Variants in AHCYL2 observed in about 807,000 individuals in gnomAD.
The protein encoded by AHCYL2 is adenosylhomocysteinase like 2, also known as S-adenosylhomocysteine hydrolase-like protein 2.
AHCYL2 carries 28 observed loss-of-function variants against 81.4 expected under a neutral mutation model. The observed-to-expected ratio is 0.34, with a 90% CI of 0.25 to 0.47. AHCYL2 has a LOEUF of 0.47. Among genes scored for constraint, AHCYL2 ranks in the 20% least tolerant of loss-of-function variants. The pLI is 1.00. For missense variants in AHCYL2, 551 were observed against 785.1 expected (o/e 0.70, Z 3.56); for synonymous variants, 272 against 290.2 (o/e 0.94, Z 0.64).
At chr7:129,390,441 A>C (rs1025863664) in intron 4 of AHCYL2, among the ~76,000 whole-genome samples, 6 of 152,220 alleles carry the variant, frequency 3.9e-5, no homozygotes, top group Non-Finnish European at 7.3e-5. Flanking sequence ...TAAATTCAGC[A>C]CAGTAAGAAA....
intron 1 of AHCYL2, among the ~76,000 whole-genome samples, chr7:129,277,878 A>G (rs374561073): frequency 5.6e-4 from 85 of 152,360 alleles, no homozygotes; most frequent in African/African-American, 1.9e-3. Context: ...GTTTGAGGCT[A>G]TCATAAATAA....
At chr7:129,364,329 C>T (rs1794031845) in intron 1 of AHCYL2, among the ~76,000 whole-genome samples, 1 of 152,198 alleles carries the variant, frequency 6.6e-6, no homozygotes, top group South Asian at 2.1e-4. Flanking sequence ...GAGTCTCACT[C>T]TGTCACCCAG....
chr7:129,319,193 C>T (rs752735118), intron 1 of AHCYL2, among the ~76,000 whole-genome samples: 2 of 152,158 alleles, frequency 1.3e-5, no homozygotes, highest in South Asian at 4.1e-4. Flanking sequence ...CAGTGGCTCA[C>T]ACCTGTAATC....
intron 1 of AHCYL2, among the ~76,000 whole-genome samples, chr7:129,321,694 C>A (rs1311492313): frequency 7.0e-6 from 1 of 142,214 alleles, no homozygotes; most frequent in Non-Finnish European, 1.5e-5. Flanking sequence ...GAAAGTATTT[C>A]TCCTTCAGTT....
At chr7:129,273,622 C>T (rs973743006) in intron 1 of AHCYL2, among the ~76,000 whole-genome samples, 3 of 152,164 alleles carry the variant, frequency 2.0e-5, no homozygotes, top group Admixed American at 2.0e-4. Flanking sequence ...GCCACTGCGC[C>T]TGGCCGACTT....
intron 3 of AHCYL2, 150 bp from the exon 4 acceptor site, chr7:129,389,484 A>G: frequency 1.4e-6 from 1 of 732,982 alleles, no homozygotes; most frequent in Non-Finnish European, 2.2e-6. Context: ...TATAAAGGAA[A>G]ATACAGGTTT....
chr7:129,350,384 C>CT (rs566590118), intron 1 of AHCYL2, among the ~76,000 whole-genome samples: 2,517 of 139,992 alleles, frequency 0.018, 34 homozygotes, highest in African/African-American at 0.029. Context: ...TAAATGTAGT[C>CT]TTTTTTTTTT....
chr7:129,410,700 A>G (rs571802180), intron 11 of AHCYL2, among the ~76,000 whole-genome samples: 1 of 152,350 alleles, frequency 6.6e-6, no homozygotes, highest in Admixed American at 6.5e-5. Context: ...TAATTCCCAA[A>G]GAGGTAGATT....
rs1179487852 is a variant in AHCYL2, at chr7:129,419,780, T to C, written c.1462-3060T>C. ...ACCGGATATGCACTGTTCAGAATTA[T>C]ATAAGACCAATTTGTGCAAGCATAA... On this transcript the variant is annotated intron_variant, in intron 12 of 16. Coordinates refer to ENST00000325006, the MANE Select transcript of AHCYL2 (RefSeq NM_015328.4). The surrounding 1 kb of genome is among the most constrained non-coding windows in gnomAD (Gnocchi z 4.7). Among the ~76,000 whole-genome samples the C allele has an allele frequency of 1.3e-5, 2 of 152,032 alleles. No homozygotes were observed. Among genetic ancestry groups the C allele is most frequent in the Non-Finnish European group, 2.9e-5 (2 of 68,010 alleles).
chr7:129,271,765 G>T (rs994517202), intron 1 of AHCYL2, among the ~76,000 whole-genome samples: 4 of 152,146 alleles, frequency 2.6e-5, no homozygotes, highest in Admixed American at 2.6e-4. Context: ...TCATAGAAAA[G>T]ATAGGATAAA....
At chr7:129,289,264 AT>A (rs544599765) in intron 1 of AHCYL2, among the ~76,000 whole-genome samples, 52 of 151,762 alleles carry the variant, frequency 3.4e-4, no homozygotes, top group Non-Finnish European at 5.9e-4. Flanking sequence ...TAATTTTTAA[AT>A]TTTTTTTGTA....
At chr7:129,226,710 T>C in intron 1 of AHCYL2, among the ~76,000 whole-genome samples, 1 of 152,188 alleles carries the variant, frequency 6.6e-6, no homozygotes, top group East Asian at 1.9e-4. Context: ...ACTGAAGGAA[T>C]TTCTGTAATG....
chr7:129,428,393 ATTGGATTCCTTTTGGAGACTGATCTG>A lies in AHCYL2; in HGVS notation c.*1353_*1378del, dbSNP rs1228901719. The A allele has an allele frequency of 6.6e-6, 1 of 152,216 alleles. No homozygotes were observed. Among genetic ancestry groups the A allele is most frequent in the African/African-American group, 2.4e-5 (1 of 41,446 alleles). The allele number at this position is 152,216 out of a possible 1,614,324, so 9.4% of individuals were successfully genotyped here. A position where few individuals can be genotyped will look rare whatever the true frequency, so the allele number is the denominator to read the frequency against. ...GTGACATTTTATGTCCCACCCAAAA[ATTGGATTCCTTTTGGAGACTGATCTG>A]TTGGTCTCAGGCATTTCATTAGGAC... On this transcript the variant is annotated 3_prime_UTR_variant, in exon 17 of 17. Transcript: ENST00000325006.
chr7:129,343,592 TTTTTC>T, intron 1 of AHCYL2, among the ~76,000 whole-genome samples: 1 of 152,162 alleles, frequency 6.6e-6, no homozygotes, highest in South Asian at 2.1e-4. Flanking sequence ...TGGGGAAAAA[TTTTTC>T]TTTCCAACAA....
intron 1 of AHCYL2, among the ~76,000 whole-genome samples, chr7:129,313,306 T>G (rs1797724425): frequency 6.6e-6 from 1 of 151,868 alleles, no homozygotes; most frequent in Non-Finnish European, 1.5e-5. Flanking sequence ...ACAGAGGAGG[T>G]GATAGGATTG....
chr7:129,302,393 A>G (rs572686176), intron 1 of AHCYL2, among the ~76,000 whole-genome samples: 30 of 152,262 alleles, frequency 2.0e-4, no homozygotes, highest in Non-Finnish European at 3.1e-4. Flanking sequence ...GACTTCCAGT[A>G]CTATATTGGA....
At chr7:129,257,151 C>T (rs1795457505) in intron 1 of AHCYL2, among the ~76,000 whole-genome samples, 1 of 152,026 alleles carries the variant, frequency 6.6e-6, no homozygotes, top group African/African-American at 2.4e-5. Context: ...AACAGAAAAA[C>T]ATGAACTATA....
intron 1 of AHCYL2, among the ~76,000 whole-genome samples, chr7:129,268,320 G>C (rs73722911): frequency 3.4e-3 from 510 of 152,204 alleles, no homozygotes; most frequent in African/African-American, 0.012. Flanking sequence ...GGCAGCATTA[G>C]GGAGTTTGCT....
At chr7:129,352,889 T>C (rs1245624825) in intron 1 of AHCYL2, among the ~76,000 whole-genome samples, 1 of 151,856 alleles carries the variant, frequency 6.6e-6, no homozygotes, top group Non-Finnish European at 1.5e-5. Context: ...AAAATTCAAA[T>C]TCCTTAGCTT....
Sources: gnomAD v4.1 joint callset for allele counts (sites outside exome capture counted in the v4.1 genomes callset) on GRCh38, gnomAD v4.1.1 for gene constraint, Gnocchi (gnomAD v3.1) non-coding constraint, MANE v1.5 for transcripts, NCBI Gene and HGNC (gene_info 2026-07-23, HGNC 2026-07-21) for gene names.